NOL10: variants seen among roughly 807,000 people sequenced by gnomAD.
NOL10 encodes nucleolar protein 10, also known as H_NH0074G24.1.
Under a neutral mutation model 103.5 loss-of-function variants are expected in NOL10, and 58 were observed. That is an observed-to-expected ratio of 0.56 (90% confidence interval 0.45 to 0.70). NOL10 has a LOEUF of 0.70. Ranked by LOEUF, NOL10 falls within the 30% of genes least tolerant of loss-of-function variation. The pLI is 0.00. For synonymous variants in NOL10, 287 were observed against 282.5 expected, an observed-to-expected ratio of 1.02 and a Z score of -0.16; for missense variants, 763 against 807.3, an observed-to-expected ratio of 0.95 and a Z score of 0.67.
At chr2:10,671,338 C>G (rs1000940426) in intron 6 of NOL10, among the ~76,000 whole-genome samples, 1 of 151,140 alleles carries the variant, frequency 6.6e-6, no homozygotes, top group African/African-American at 2.4e-5. Context: ...GTTGTTAAAA[C>G]AGTATATGGT....
At chr2:10,622,355 CA>C (rs1407831854) in intron 13 of NOL10, among the ~76,000 whole-genome samples, 1 of 152,128 alleles carries the variant, frequency 6.6e-6, no homozygotes, top group African/African-American at 2.4e-5. Context: ...CTGTGTGTGT[CA>C]TACGTGACTT....
At chr2:10,676,127 A>G (rs1681288740) in intron 3 of NOL10, among the ~76,000 whole-genome samples, 1 of 152,262 alleles carries the variant, frequency 6.6e-6, no homozygotes, top group Non-Finnish European at 1.5e-5. Context: ...GCAAACAATG[A>G]AACAGTTTTG....
intron 12 of NOL10, among the ~76,000 whole-genome samples, chr2:10,648,738 G>A (rs574041081): frequency 1.4e-4 from 21 of 151,944 alleles, no homozygotes; most frequent in Middle Eastern, 3.4e-3. Flanking sequence ...AAAAATACAC[G>A]GTAGAGGATC....
chr2:10,606,577 C>T (rs1310134067), intron 14 of NOL10, among the ~76,000 whole-genome samples: 1 of 138,078 alleles, frequency 7.2e-6, no homozygotes, highest in Non-Finnish European at 1.5e-5. Context: ...CACTGCACTG[C>T]AGCCTGAGTG....
At chr2:10,575,474 C>T (rs1177663970) in intron 20 of NOL10, among the ~76,000 whole-genome samples, 1 of 152,216 alleles carries the variant, frequency 6.6e-6, no homozygotes, top group East Asian at 1.9e-4. Flanking sequence ...GAAACACACA[C>T]ATCAAACATT....
chr2:10,625,084 C>G (rs1677376927), intron 13 of NOL10, among the ~76,000 whole-genome samples: 1 of 152,096 alleles, frequency 6.6e-6, no homozygotes, highest in Admixed American at 6.5e-5. Flanking sequence ...AAACTAGAGA[C>G]AGTAAAAATA....
chr2:10,668,618 TG>T, intron 7 of NOL10, 39 bp downstream of exon 7: 1 of 1,097,566 alleles, frequency 9.1e-7, no homozygotes, highest in Admixed American at 2.3e-5. Flanking sequence ...CTCCACCTCC[TG>T]GTCAAAATGT....
At chr2:10,607,138 T>G in intron 14 of NOL10, 47 bp downstream of exon 14, 2 of 1,331,718 alleles carry the variant, frequency 1.5e-6, no homozygotes, top group Non-Finnish European at 2.0e-6. Flanking sequence ...AAAAAAAAAG[T>G]AGAAATAAAG....
At chr2:10,584,729 T>C (rs1674934143) in intron 19 of NOL10, among the ~76,000 whole-genome samples, 2 of 152,348 alleles carry the variant, frequency 1.3e-5, no homozygotes, top group South Asian at 4.1e-4. Context: ...GATATTTAAC[T>C]TAGTAAGAAT....
rs1198193684 is a variant in NOL10, at chr2:10,587,226, T to TAC, written c.1844+1815_1844+1816dup. Among the ~76,000 whole-genome samples, 26 of 52,824 alleles carry TAC rather than the reference T, an allele frequency of 4.9e-4. 9 individuals carry two copies. The highest frequency in any genetic ancestry group is 3.2e-3 in the African/African-American group (26 of 8,002). 34.7% of individuals were successfully genotyped at this position (52,824 alleles called of 152,430 possible). A position where few individuals can be genotyped will look rare whatever the true frequency, so the allele number is the denominator to read the frequency against. On this transcript the variant is annotated intron_variant, in intron 19 of 20. Coordinates refer to ENST00000381685, the MANE Select transcript of NOL10 (RefSeq NM_024894.4). ...ATACACATATATATATACATATATATACATATATATATACATACATATATA... is the reference window on the plus strand; with the variant it reads ...ATACACATATATATATACATATATATACACATATATATATACATACATATATA...
intron 13 of NOL10, among the ~76,000 whole-genome samples, chr2:10,643,597 A>C (rs1678863480): frequency 6.6e-6 from 1 of 152,206 alleles, no homozygotes; most frequent in African/African-American, 2.4e-5. Context: ...GGCAAACTAC[A>C]TGTCATCCCT....
chr2:10,606,710 T>C (rs1676282287), intron 14 of NOL10, among the ~76,000 whole-genome samples: 1 of 151,972 alleles, frequency 6.6e-6, no homozygotes, highest in Non-Finnish European at 1.5e-5. Context: ...CCTTCAAACA[T>C]AAAGTAACTA....
intron 13 of NOL10, among the ~76,000 whole-genome samples, chr2:10,612,916 C>T (rs576035407): frequency 1.1e-3 from 169 of 151,210 alleles, no homozygotes; most frequent in Non-Finnish European, 2.0e-3. Flanking sequence ...GTGGTCCCAG[C>T]TATTCCTGAG....
chr2:10,676,638 CT>C (rs1281732474), intron 3 of NOL10, among the ~76,000 whole-genome samples: 3,753 of 135,270 alleles, frequency 0.028, 150 homozygotes, highest in African/African-American at 0.092. Flanking sequence ...GGCACTTTGT[CT>C]TTTTTTTTTT....
At chr2:10,572,308 T>G in intron 20 of NOL10, 118 bp from the exon 21 acceptor site, 1 of 1,101,472 alleles carries the variant, frequency 9.1e-7, no homozygotes, top group Admixed American at 2.0e-5. Context: ...CCAGGAGAAA[T>G]GCTGCCCACA....
intron 17 of NOL10, among the ~76,000 whole-genome samples, chr2:10,599,779 G>A (rs1210213098): frequency 6.6e-6 from 1 of 152,174 alleles, no homozygotes; most frequent in East Asian, 1.9e-4. Flanking sequence ...ACAGCTCTAA[G>A]AATGCCCATA....
chr2:10,606,668 G>C (rs927882397), intron 14 of NOL10, among the ~76,000 whole-genome samples: 1 of 149,762 alleles, frequency 6.7e-6, no homozygotes, highest in African/African-American at 2.5e-5. Context: ...ATAAGTATTT[G>C]CTGTTCTTTT....
At chr2:10,687,175 C>T (rs1682274304) in intron 1 of NOL10, among the ~76,000 whole-genome samples, 1 of 150,786 alleles carries the variant, frequency 6.6e-6, no homozygotes, top group African/African-American at 2.4e-5. Context: ...AAAGAAATAA[C>T]CAGAAAATAT....
intron 14 of NOL10, 63 bp downstream of exon 14, chr2:10,607,122 A>G: frequency 8.2e-7 from 1 of 1,218,204 alleles, no homozygotes; most frequent in Non-Finnish European, 1.1e-6. Context: ...CTCATGTTCA[A>G]AACTCAAAAA....
Sources: allele counts gnomAD v4.1 joint callset (sites outside exome capture counted in the v4.1 genomes callset), GRCh38; gene constraint gnomAD v4.1.1; transcripts MANE v1.5; gene names NCBI Gene and HGNC (gene_info 2026-07-23, HGNC 2026-07-21).